The following PCSK5 variants were observed in gnomAD, a reference collection of about 807,000 sequenced individuals.
PCSK5 encodes the protein proprotein convertase subtilisin/kexin type 5.
Under a neutral mutation model 233.2 loss-of-function variants are expected in PCSK5, and 129 were observed. That is an observed-to-expected ratio of 0.55 (90% CI 0.48 to 0.64). PCSK5 has a LOEUF of 0.64. PCSK5 is among the 30% of genes least tolerant of loss of function. The probability of loss-of-function intolerance (pLI) is 0.00; values close to 1 mark genes in which losing one functional copy is unlikely to be tolerated. For synonymous variants in PCSK5, 825 were observed against 879.2 expected (o/e 0.94, Z 1.09); for missense variants, 2,076 against 2,430.1 (o/e 0.85, Z 3.06).
At chr9:76,009,398 G>T (rs1827625316) in intron 3 of PCSK5, among the ~76,000 whole-genome samples, 1 of 151,890 alleles carries the variant, frequency 6.6e-6, no homozygotes, top group Non-Finnish European at 1.5e-5. Context: ...GGAGGCCGAG[G>T]TGGGTGGATC....
At chr9:75,945,425 A>C (rs1312514639) in intron 2 of PCSK5, among the ~76,000 whole-genome samples, 13 of 151,970 alleles carry the variant, frequency 8.6e-5, no homozygotes. Context: ...TCTTGCAGCT[A>C]TGAATCTGTG....
At chr9:75,909,790 A>G (rs1822643866) in intron 1 of PCSK5, among the ~76,000 whole-genome samples, 1 of 152,222 alleles carries the variant, frequency 6.6e-6, no homozygotes, top group African/African-American at 2.4e-5. Flanking sequence ...AGCAGTTGTT[A>G]GTACTGTCCA....
intron 7 of PCSK5, among the ~76,000 whole-genome samples, chr9:76,079,484 T>C (rs1216048311): frequency 1.3e-5 from 2 of 152,150 alleles, no homozygotes; most frequent in Non-Finnish European, 2.9e-5. Flanking sequence ...TATTGGTGTA[T>C]AGAAATGCTA....
At chr9:76,055,228 T>A (rs1829778637) in intron 5 of PCSK5, among the ~76,000 whole-genome samples, 1 of 152,100 alleles carries the variant, frequency 6.6e-6, no homozygotes, top group Non-Finnish European at 1.5e-5. Flanking sequence ...ATTTTATGTA[T>A]CTATTTATTT....
chr9:75,996,693 A>G (rs1563962468), intron 3 of PCSK5, among the ~76,000 whole-genome samples: 1 of 151,890 alleles, frequency 6.6e-6, no homozygotes, highest in Non-Finnish European at 1.5e-5. Context: ...TGCTTGCACA[A>G]GATACAACTT....
chr9:76,119,593 A>C (rs1469953170), intron 9 of PCSK5, among the ~76,000 whole-genome samples: 1 of 152,076 alleles, frequency 6.6e-6, no homozygotes, highest in Non-Finnish European at 1.5e-5. Flanking sequence ...ACATTTATTA[A>C]TTAATGACTG....
intron 24 of PCSK5, among the ~76,000 whole-genome samples, chr9:76,261,959 A>C (rs1431517126): frequency 5.3e-5 from 8 of 152,168 alleles, no homozygotes; most frequent in Non-Finnish European, 8.8e-5. Context: ...AAACAGGGAC[A>C]ATTTGACTTC....
At chr9:76,207,090 A>G (rs1363440423) in intron 20 of PCSK5, among the ~76,000 whole-genome samples, 2 of 152,088 alleles carry the variant, frequency 1.3e-5, no homozygotes, top group Non-Finnish European at 2.9e-5. Context: ...AGATTAGATC[A>G]CCTTCTTCTG....
At chr9:75,972,368 T>A (rs1825846451) in intron 2 of PCSK5, among the ~76,000 whole-genome samples, 1 of 152,230 alleles carries the variant, frequency 6.6e-6, no homozygotes. Context: ...ATGAGCTCTT[T>A]TATGGTTCCA....
chr9:76,076,306 A>G lies in PCSK5; in HGVS notation c.894+4408A>G, dbSNP rs573800840. Among the ~76,000 whole-genome samples the G allele has an allele frequency of 4.8e-3, 731 of 151,058 alleles. 9 individuals carry two copies. Among genetic ancestry groups the G allele is most frequent in the African/African-American group, 0.017 (701 of 41,100 alleles). On this transcript the variant is annotated intron_variant, in intron 7 of 37. Coordinates refer to ENST00000674117, the MANE Select transcript of PCSK5 (RefSeq NM_001372043.1). ...CCAGCTCAGCAAGGCTTTCTAAATC[A>G]TGGTGGGCCTGTGAATTGTGTTCTG...
At chr9:76,351,402 T>C (rs189116582) in intron 36 of PCSK5, among the ~76,000 whole-genome samples, 1 of 143,318 alleles carries the variant, frequency 7.0e-6, no homozygotes, top group Non-Finnish European at 1.5e-5. Flanking sequence ...CTTTAGAATT[T>C]CTGGTTTCTA....
At chr9:75,975,760 T>C (rs1276933194) in intron 2 of PCSK5, among the ~76,000 whole-genome samples, 1 of 152,118 alleles carries the variant, frequency 6.6e-6, no homozygotes, top group African/African-American at 2.4e-5. Flanking sequence ...AAGGCCAGAG[T>C]GATGTAACAT....
At chr9:75,902,865 A>G (rs941792827) in intron 1 of PCSK5, among the ~76,000 whole-genome samples, 4 of 152,222 alleles carry the variant, frequency 2.6e-5, no homozygotes, top group Non-Finnish European at 5.9e-5. Context: ...CACATGGATG[A>G]TTGCTTTCAA....
At chr9:76,163,594 G>C (rs1822962374) in intron 12 of PCSK5, among the ~76,000 whole-genome samples, 1 of 152,092 alleles carries the variant, frequency 6.6e-6, no homozygotes, top group Non-Finnish European at 1.5e-5. Flanking sequence ...TCTCCCCTTG[G>C]CCTGTATACC....
intron 24 of PCSK5, among the ~76,000 whole-genome samples, chr9:76,241,679 C>T (rs920741644): frequency 2.0e-4 from 30 of 151,946 alleles, no homozygotes; most frequent in South Asian, 2.1e-4. Context: ...ATTGCATTGG[C>T]GATAAAATGA....
chr9:75,976,980 T>A (rs1826051203), intron 2 of PCSK5, among the ~76,000 whole-genome samples: 1 of 152,186 alleles, frequency 6.6e-6, no homozygotes, highest in African/African-American at 2.4e-5. Context: ...GGACTTGGCA[T>A]TGACCATTGA....
At chr9:76,074,477 T>C (rs1830577646) in intron 7 of PCSK5, among the ~76,000 whole-genome samples, 1 of 152,196 alleles carries the variant, frequency 6.6e-6, no homozygotes, top group Non-Finnish European at 1.5e-5. Flanking sequence ...CATCTAAATA[T>C]GGAAAAACTG....
chr9:76,214,830 C>T (rs1488951757), intron 20 of PCSK5, among the ~76,000 whole-genome samples: 2 of 152,114 alleles, frequency 1.3e-5, no homozygotes, highest in African/African-American at 4.8e-5. Context: ...CATAAACTGG[C>T]TCTGAGAATT....
intron 17 of PCSK5, among the ~76,000 whole-genome samples, chr9:76,185,323 G>T (rs541148715): frequency 5.3e-5 from 8 of 152,286 alleles, no homozygotes; most frequent in Non-Finnish European, 1.0e-4. Context: ...AGAGAACAAT[G>T]TACAGCTCAA....
Sources: gnomAD v4.1 joint callset for allele counts (sites outside exome capture counted in the v4.1 genomes callset) on GRCh38, gnomAD v4.1.1 for gene constraint, MANE v1.5 for transcripts, NCBI Gene and HGNC (gene_info 2026-07-23, HGNC 2026-07-21) for gene names.